Variants in DPYSL2 observed in about 807,000 individuals in gnomAD.
DPYSL2 encodes the protein dihydropyrimidinase-related protein 2.
DPYSL2 carries 13 observed loss-of-function variants against 69.9 expected under a neutral mutation model. The observed-to-expected ratio is 0.19, with a 90% confidence interval of 0.12 to 0.30. DPYSL2 has a LOEUF of 0.30. Ranked by LOEUF, DPYSL2 falls within the 10% of genes least tolerant of loss-of-function variation. The pLI, the probability that DPYSL2 is intolerant of heterozygous loss-of-function variation, is 1.00. For missense variants in DPYSL2, 587 were observed against 918.9 expected (o/e 0.64, Z 4.67); for synonymous variants, 326 against 359.1 (o/e 0.91, Z 1.04).
chr8:26,611,137 G>T (rs1451794769), intron 3 of DPYSL2, among the ~76,000 whole-genome samples: 1 of 152,212 alleles, frequency 6.6e-6, no homozygotes, highest in Admixed American at 6.5e-5. Context: ...GTAGAGCCAG[G>T]ATTCTACCCA....
Position 26,643,607 on chromosome 8 carries a change from C to T in DPYSL2, c.1283+12C>T, listed in dbSNP as rs747628014. The T allele has an allele frequency of 4.8e-5, 78 of 1,614,148 alleles. No homozygotes were observed. Among genetic ancestry groups the T allele is most frequent in the Middle Eastern group, 1.6e-4 (1 of 6,062 alleles). On this transcript the variant is annotated intron_variant, in intron 9 of 13. Coordinates refer to ENST00000521913, the MANE Select transcript of DPYSL2 (RefSeq NM_001197293.3). The surrounding 1 kb of genome is among the most constrained non-coding windows in gnomAD (Gnocchi z 6.5). ...TCCTTGCTGTCCTGGTGAGTCCTGGCGACTTGTTCACACTTCACATTCTGT... is the reference window on the plus strand; with the variant it reads ...TCCTTGCTGTCCTGGTGAGTCCTGGTGACTTGTTCACACTTCACATTCTGT...
At chr8:26,539,221 G>A (rs1765571167) in intron 1 of DPYSL2, among the ~76,000 whole-genome samples, 1 of 152,188 alleles carries the variant, frequency 6.6e-6, no homozygotes, top group African/African-American at 2.4e-5. Flanking sequence ...CAATTGGTTA[G>A]ACAATCTGAA....
At chr8:26,596,327 A>G (rs950981944) in intron 3 of DPYSL2, among the ~76,000 whole-genome samples, 8 of 152,210 alleles carry the variant, frequency 5.3e-5, no homozygotes, top group African/African-American at 1.9e-4. Context: ...ATACACTTCT[A>G]TATCCTACTA....
At chr8:26,528,272 G>A (rs1179019723) in intron 1 of DPYSL2, among the ~76,000 whole-genome samples, 1 of 152,166 alleles carries the variant, frequency 6.6e-6, no homozygotes, top group African/African-American at 2.4e-5. Flanking sequence ...CAGGGCCCCT[G>A]GCAGACCAGT....
At chr8:26,550,467 G>A (rs1486955771) in intron 1 of DPYSL2, among the ~76,000 whole-genome samples, 33 of 152,132 alleles carry the variant, frequency 2.2e-4, no homozygotes, top group Admixed American at 2.2e-3. Context: ...AATCTTAATG[G>A]TAAATACACC....
intron 1 of DPYSL2, among the ~76,000 whole-genome samples, chr8:26,568,211 G>A (rs970993280): frequency 6.6e-6 from 1 of 152,196 alleles, no homozygotes; most frequent in Non-Finnish European, 1.5e-5. Context: ...AGGGAGACCA[G>A]TCGTTGGGTT....
chr8:26,544,953 AAATATAAC>A (rs1478718033), intron 1 of DPYSL2, among the ~76,000 whole-genome samples: 1 of 152,230 alleles, frequency 6.6e-6, no homozygotes, highest in Non-Finnish European at 1.5e-5. Context: ...TTCTACAGGA[AAATATAAC>A]AATATAACAA....
Position 26,647,860 on chromosome 8 carries a change from C to T in DPYSL2, c.1596+60C>T, listed in dbSNP as rs559474580. The T allele has an allele frequency of 4.7e-5, 72 of 1,526,474 alleles. 1 individual carries two copies. Among genetic ancestry groups the T allele is most frequent in the Admixed American group, 4.6e-4 (22 of 48,050 alleles). 94.6% of individuals were successfully genotyped at this position (1,526,474 alleles called of 1,614,324 possible). On this transcript the variant is annotated intron_variant, in intron 11 of 13. Transcript: ENST00000521913. The surrounding 1 kb of genome is among the most constrained non-coding windows in gnomAD (Gnocchi z 5.1). ...CGAATTACAGTCACAGAGACACAGACGGAGGGAGAGCCCCAGGGTTTCTAA... is the reference window on the plus strand; with the variant it reads ...CGAATTACAGTCACAGAGACACAGATGGAGGGAGAGCCCCAGGGTTTCTAA...
In DPYSL2 at chr8:26,610,156, T is replaced by C. The variant is rs1007057413; in HGVS notation, c.629-13987T>C. Among the ~76,000 whole-genome samples the C allele has an allele frequency of 1.8e-4, 27 of 152,348 alleles. 1 individual carries two copies. The highest frequency in any genetic ancestry group is 6.5e-4 in the African/African-American group (27 of 41,592). On this transcript the variant is annotated intron_variant, in intron 3 of 13. Transcript: ENST00000521913. This position sits in a 1 kb window ranked among gnomAD's most constrained non-coding sequence, Gnocchi z 4.5. ...ATGTTTCGTGGGATCTGCAAGAGCC[T>C]GTAGCGTCAGGTTTCTTTCCTTTTG...
chr8:26,556,146 ATATAC>A (rs1470243757), intron 1 of DPYSL2, among the ~76,000 whole-genome samples: 809 of 13,950 alleles, frequency 0.058, 123 homozygotes, highest in Non-Finnish European at 0.085. Flanking sequence ...TATATATAGT[ATATAC>A]TATATATAGT....
At chr8:26,552,012 C>G (rs553203324) in intron 1 of DPYSL2, among the ~76,000 whole-genome samples, 1 of 152,174 alleles carries the variant, frequency 6.6e-6, no homozygotes, top group South Asian at 2.1e-4. Flanking sequence ...CGCGGTCTGA[C>G]TATGTTGCCA....
chr8:26,614,681 G>A lies in DPYSL2; in HGVS notation c.629-9462G>A, dbSNP rs544266391. ...GGCTTCTAGATGCTGAACAATGACCGATGGTGCCACTTGATTTATATGAAG... is the reference window on the plus strand; with the variant it reads ...GGCTTCTAGATGCTGAACAATGACCAATGGTGCCACTTGATTTATATGAAG... On this transcript the variant is annotated intron_variant, in intron 3 of 13. Coordinates refer to ENST00000521913, the MANE Select transcript of DPYSL2 (RefSeq NM_001197293.3). This position sits in a 1 kb window ranked among gnomAD's most constrained non-coding sequence, Gnocchi z 4.9. Among the ~76,000 whole-genome samples the A allele has an allele frequency of 5.9e-5, 9 of 152,256 alleles. No homozygotes were observed. The South Asian group carries it at 1.5e-3, about 25-fold the overall frequency.
chr8:26,640,526 C>T lies in DPYSL2; in HGVS notation c.1127-2913C>T, dbSNP rs1016594451. Among the ~76,000 whole-genome samples, 2 of 152,122 alleles carry T rather than the reference C, an allele frequency of 1.3e-5. No homozygotes were observed. Among genetic ancestry groups the T allele is most frequent in the African/African-American group, 4.8e-5 (2 of 41,418 alleles). On this transcript the variant is annotated intron_variant, in intron 8 of 13. Transcript: ENST00000521913. This position sits in a 1 kb window ranked among gnomAD's most constrained non-coding sequence, Gnocchi z 4.2. ...AGCTCCGGAAGTGCATCCACAGCAC[C>T]CTCCTGTGAATGTTTATAGACCCAG... is the stretch of plus-strand genomic sequence containing the variant.
Position 26,609,244 on chromosome 8 carries a change from G to A in DPYSL2, c.629-14899G>A, listed in dbSNP as rs1012052301. Reference sequence around the variant, plus strand: ...AAGGATTTTTGTAATCAAATCATGGGGTTTGTGTGTAGAACTCAGTAAGAA... The same window carrying A: ...AAGGATTTTTGTAATCAAATCATGGAGTTTGTGTGTAGAACTCAGTAAGAA... On this transcript the variant is annotated intron_variant, in intron 3 of 13. Transcript: ENST00000521913. This position sits in a 1 kb window ranked among gnomAD's most constrained non-coding sequence, Gnocchi z 6.5. Among the ~76,000 whole-genome samples, 1 of 152,148 alleles carries A rather than the reference G, an allele frequency of 6.6e-6. No homozygotes were observed. The highest frequency in any genetic ancestry group is 1.5e-5 in the Non-Finnish European group (1 of 68,036).
Position 26,597,935 on chromosome 8 carries a change from G to A in DPYSL2, c.628+13952G>A, listed in dbSNP as rs1180743707. Reference sequence around the variant, plus strand: ...AAAGAATTTGAGGCCCAACCTTCTTGATGATGCATCTTCATGGAGCTGGGA... The same window carrying A: ...AAAGAATTTGAGGCCCAACCTTCTTAATGATGCATCTTCATGGAGCTGGGA... On this transcript the variant is annotated intron_variant, in intron 3 of 13. Coordinates refer to ENST00000521913, the MANE Select transcript of DPYSL2 (RefSeq NM_001197293.3). This position sits in a 1 kb window ranked among gnomAD's most constrained non-coding sequence, Gnocchi z 5.2. Among the ~76,000 whole-genome samples the A allele has an allele frequency of 6.6e-6, 1 of 152,166 alleles. No homozygotes were observed. Among genetic ancestry groups the A allele is most frequent in the Non-Finnish European group, 1.5e-5 (1 of 68,024 alleles).
intron 1 of DPYSL2, among the ~76,000 whole-genome samples, chr8:26,538,538 TC>T (rs1416538511): frequency 6.6e-6 from 1 of 152,172 alleles, no homozygotes; most frequent in Non-Finnish European, 1.5e-5. Context: ...AACAGCTTTC[TC>T]CCCATGGTCT....
At chr8:26,623,192 G>A (rs1300479159) in intron 3 of DPYSL2, among the ~76,000 whole-genome samples, 2 of 152,148 alleles carry the variant, frequency 1.3e-5, no homozygotes, top group Non-Finnish European at 2.9e-5. Flanking sequence ...GCTGAAAAAC[G>A]GTCTGTGTAG....
At chr8:26,607,233 C>G (rs557107915) in intron 3 of DPYSL2, among the ~76,000 whole-genome samples, 73 of 152,208 alleles carry the variant, frequency 4.8e-4, no homozygotes, top group Middle Eastern at 3.4e-3. Context: ...GCCTGTTATC[C>G]CAGCACTTTG....
At chr8:26,518,182 C>T (rs534645787) in intron 1 of DPYSL2, among the ~76,000 whole-genome samples, 1 of 152,098 alleles carries the variant, frequency 6.6e-6, no homozygotes, top group Non-Finnish European at 1.5e-5. Flanking sequence ...TTAAACAAAA[C>T]GAATGTGTGG....
Sources: gnomAD v4.1 joint callset for allele counts (sites outside exome capture counted in the v4.1 genomes callset) on GRCh38, gnomAD v4.1.1 for gene constraint, Gnocchi (gnomAD v3.1) non-coding constraint, MANE v1.5 for transcripts, NCBI Gene and HGNC (gene_info 2026-07-23, HGNC 2026-07-21) for gene names.